EIF3H: variants seen among roughly 807,000 people sequenced by gnomAD.
EIF3H encodes the protein eukaryotic translation initiation factor 3 subunit H.
A neutral mutation model predicts 44.2 loss-of-function variants in EIF3H; 26 were observed. The observed-to-expected ratio is 0.59, with a 90% CI of 0.43 to 0.82. The LOEUF (loss-of-function observed/expected upper bound fraction) is 0.82. EIF3H is among the 40% of genes least tolerant of loss of function. The pLI is 0.00. For missense variants in EIF3H, 359 were observed against 432.8 expected (o/e 0.83, Z 1.51); for synonymous variants, 166 against 151.9 (o/e 1.09, Z -0.68).
At chr8:116,683,914 T>C (rs1814032327) in intron 2 of EIF3H, among the ~76,000 whole-genome samples, 1 of 152,214 alleles carries the variant, frequency 6.6e-6, no homozygotes, top group African/African-American at 2.4e-5. Context: ...AGCCCATATT[T>C]ATTCACAGTT....
At position 116,726,124 on chromosome 8, in the gene EIF3H, C is replaced by A. The variant is rs1322590741; in HGVS notation, c.181G>T (p.Glu61Ter). 1 of 1,614,084 alleles carries A rather than the reference C, an allele frequency of 6.2e-7. No individual in the cohort carries two copies. The highest frequency in any genetic ancestry group is 2.2e-5 in the East Asian group (1 of 44,866). ...KHYQEEGQGT[E>*]VVQGVLLGLV... ...CCCAAAAGCACTCCTTGAACAACTT[C>A]AGTTCCTTGTCCTTCTTCTTGATAA... The change falls in exon 2 of 8, where the codon GAA (glutamate) becomes TAA (stop). Residue 61 changes from glutamate (E) to a stop codon, truncating the protein, a stop_gained. Coordinates refer to ENST00000521861, the MANE Select transcript of EIF3H (RefSeq NM_003756.3). LOFTEE classifies it high-confidence loss of function.
chr8:116,665,434 G>C (rs1355534436), intron 2 of EIF3H, among the ~76,000 whole-genome samples: 4 of 152,098 alleles, frequency 2.6e-5, no homozygotes, highest in African/African-American at 9.7e-5. Context: ...GATCAAAGAT[G>C]ACCTATACAG....
intron 1 of EIF3H, among the ~76,000 whole-genome samples, chr8:116,747,902 G>A (rs1473909970): frequency 2.6e-5 from 4 of 152,156 alleles, no homozygotes; most frequent in Admixed American, 6.5e-5. Flanking sequence ...CTGAGACCAG[G>A]AGTTCGAGAC....
chr8:116,676,527 A>G (rs183593900), intron 2 of EIF3H, among the ~76,000 whole-genome samples: 4 of 152,294 alleles, frequency 2.6e-5, no homozygotes, highest in African/African-American at 9.6e-5. Flanking sequence ...AGCATGGGGG[A>G]AACCGCCCCC....
intron 2 of EIF3H, among the ~76,000 whole-genome samples, chr8:116,687,325 T>TGCAAA (rs757285866): frequency 1.3e-5 from 2 of 152,184 alleles, no homozygotes; most frequent in Non-Finnish European, 2.9e-5. Flanking sequence ...AAAGGAATAT[T>TGCAAA]GCAAAACAAA....
chr8:116,721,742 T>C (rs1371416689), intron 2 of EIF3H, among the ~76,000 whole-genome samples: 1 of 152,232 alleles, frequency 6.6e-6, no homozygotes, highest in Non-Finnish European at 1.5e-5. Context: ...AGTTTTAAGA[T>C]CTGACTGCCC....
intron 1 of EIF3H, chr8:116,734,143 G>C: frequency 5.2e-6 from 2 of 386,812 alleles, no homozygotes; most frequent in South Asian, 3.9e-5. Flanking sequence ...CTCTCTAAAA[G>C]GGTGTCCAAG....
At chr8:116,657,456 A>C (rs1311785296) in intron 3 of EIF3H, 142 bp from the exon 4 acceptor site, 2 of 642,878 alleles carry the variant, frequency 3.1e-6, no homozygotes, top group Non-Finnish European at 5.4e-6. Context: ...ACACAACTTG[A>C]AGCAGACTCA....
At chr8:116,701,831 G>A (rs1228147146) in intron 2 of EIF3H, among the ~76,000 whole-genome samples, 1 of 152,044 alleles carries the variant, frequency 6.6e-6, no homozygotes, top group Admixed American at 6.6e-5. Flanking sequence ...ATGGCATCCC[G>A]GACTGCATCC....
chr8:116,756,297 G>A (rs1468201388), upstream of EIF3H, among the ~76,000 whole-genome samples: 2 of 152,122 alleles, frequency 1.3e-5, no homozygotes. Flanking sequence ...AGATTATATA[G>A]AAATTAAGAC....
chr8:116,685,717 C>G (rs564100013), intron 2 of EIF3H, among the ~76,000 whole-genome samples: 1 of 152,194 alleles, frequency 6.6e-6, no homozygotes, highest in African/African-American at 2.4e-5. Flanking sequence ...CAATGCTCAG[C>G]AGCCTTGCTC....
At chr8:116,764,154 A>T (rs985440268) in intron 1 of EIF3H, among the ~76,000 whole-genome samples, 7 of 152,352 alleles carry the variant, frequency 4.6e-5, no homozygotes, top group African/African-American at 1.7e-4. Flanking sequence ...GGCATGGAAA[A>T]TGTCCAGTGG....
At chr8:116,667,016 T>A (rs1813681918) in intron 2 of EIF3H, among the ~76,000 whole-genome samples, 2 of 152,288 alleles carry the variant, frequency 1.3e-5, no homozygotes, top group East Asian at 1.9e-4. Context: ...GGACTTGAGG[T>A]AGCTTGCATT....
At position 116,726,041 on chromosome 8, in the gene EIF3H, T is replaced by C. The variant is rs201404071; in HGVS notation, c.264A>G (p.Thr88=). Reference sequence around the variant, plus strand: ...CTTCATCAAAGTCAGCATCATCCTCTGTGTGCTGAGGGAAAGGAAAGCAGT... The same window carrying C: ...CTTCATCAAAGTCAGCATCATCCTCCGTGTGCTGAGGGAAAGGAAAGCAGT... The part of the protein sequence containing the change: ...ITNCFPFPQH[T]EDDADFDEVQ... Residue 88 remains threonine, a synonymous_variant, in exon 2 of 8, where the codon ACA becomes ACG. Transcript: ENST00000521861. 1 of 1,614,036 alleles carries C rather than the reference T, an allele frequency of 6.2e-7. No homozygotes were observed.
At chr8:116,726,290 A>G (rs1418348136) in intron 1 of EIF3H, 118 bp from the exon 2 acceptor site, 10 of 1,079,774 alleles carry the variant, frequency 9.3e-6, no homozygotes, top group Non-Finnish European at 1.3e-6. Context: ...ATTAAATAAG[A>G]GGAATAAATA....
intron 1 of EIF3H, among the ~76,000 whole-genome samples, chr8:116,739,421 C>A (rs1455486409): frequency 6.6e-6 from 1 of 152,194 alleles, no homozygotes; most frequent in South Asian, 2.1e-4. Flanking sequence ...GAGGCCGCGG[C>A]GGGCAGATCA....
At chr8:116,645,139 C>T in intron 7 of EIF3H, 36 bp from the exon 8 acceptor site, 1 of 1,497,806 alleles carries the variant, frequency 6.7e-7, no homozygotes, top group Non-Finnish European at 9.3e-7. Flanking sequence ...CCATAATGTT[C>T]CACAAATTGT....
intron 5 of EIF3H, among the ~76,000 whole-genome samples, chr8:116,649,620 A>C (rs1000987816): frequency 2.0e-5 from 3 of 152,198 alleles, no homozygotes; most frequent in Non-Finnish European, 2.9e-5. Context: ...ATACATATAT[A>C]TATTTTTAAA....
At chr8:116,725,811 A>G (rs1814825596) in intron 2 of EIF3H, among the ~76,000 whole-genome samples, 1 of 150,354 alleles carries the variant, frequency 6.7e-6, no homozygotes, top group South Asian at 2.1e-4. Context: ...CAAATTCCAA[A>G]TAAGTAAAGG....
Sources: allele counts gnomAD v4.1 joint callset (sites outside exome capture counted in the v4.1 genomes callset), GRCh38; gene constraint gnomAD v4.1.1; transcripts MANE v1.5; gene names NCBI Gene and HGNC (gene_info 2026-07-23, HGNC 2026-07-21).